The following CCDC82 variants were observed in gnomAD, a reference collection of about 807,000 sequenced individuals.
CCDC82 encodes the protein coiled-coil domain-containing protein 82.
CCDC82 carries 47 observed loss-of-function variants against 60.6 expected under a neutral mutation model. That is an observed-to-expected ratio of 0.77 (90% CI 0.61 to 0.99). The LOEUF (loss-of-function observed/expected upper bound fraction) is 0.99. CCDC82 is among the 50% of genes least tolerant of loss of function. The pLI, the probability that CCDC82 is intolerant of heterozygous loss-of-function variation, is 0.00. For missense variants in CCDC82, 588 were observed against 633.0 expected (o/e 0.93, Z 0.76); for synonymous variants, 212 against 207.4 (o/e 1.02, Z -0.19).
intron 7 of CCDC82, among the ~76,000 whole-genome samples, chr11:96,368,202 G>A (rs1865052633): frequency 6.6e-6 from 1 of 152,112 alleles, no homozygotes; most frequent in African/African-American, 2.4e-5. Flanking sequence ...GTGCTGGGAG[G>A]TATTAAAATG....
rs772648562 is a variant in CCDC82 at position 96,383,978 on chromosome 11, C to T, written c.770G>A (p.Ser257Asn). The T allele has an allele frequency of 3.7e-6, 6 of 1,611,926 alleles. No homozygotes were observed. In the South Asian group the frequency reaches 6.6e-5, roughly 18 times the overall value. The change falls in exon 4 of 10, where the codon AGT (serine) becomes AAT (asparagine). Residue 257 changes from serine (S) to asparagine (N), a missense_variant. Transcript: ENST00000646818. ...ATAACACACCTCAAAATCTCTACCA[C>T]TACTGCGTCTCTGACGAGATCTTTG... Reference protein sequence around the residue: ...SKQRSRQRRSSGRDFEDSEKE... With the variant: ...SKQRSRQRRSNGRDFEDSEKE...
chr11:96,383,559 G>A, intron 4 of CCDC82, 86 bp from the exon 5 acceptor site: 1 of 818,064 alleles, frequency 1.2e-6, no homozygotes, highest in South Asian at 2.1e-5. Flanking sequence ...AAATCTGACA[G>A]CAAAAAAATG....
At chr11:96,362,294 A>T (rs1487816292) in intron 8 of CCDC82, among the ~76,000 whole-genome samples, 1 of 152,218 alleles carries the variant, frequency 6.6e-6, no homozygotes, top group Non-Finnish European at 1.5e-5. Context: ...TATGGAAGTT[A>T]AAGTATGAAG....
chr11:96,366,111 C>T (rs1461867401), intron 7 of CCDC82, among the ~76,000 whole-genome samples: 2 of 152,194 alleles, frequency 1.3e-5, no homozygotes, highest in African/African-American at 2.4e-5. Flanking sequence ...TCCTTTCCTG[C>T]TTCTGCTATA....
chr11:96,361,561 A>G (rs1864663170), intron 8 of CCDC82, among the ~76,000 whole-genome samples: 1 of 152,188 alleles, frequency 6.6e-6, no homozygotes, highest in Admixed American at 6.5e-5. Flanking sequence ...ACTGCTGTAA[A>G]ATTTCACAGA....
At chr11:96,367,984 C>T (rs1865040999) in intron 7 of CCDC82, among the ~76,000 whole-genome samples, 1 of 151,854 alleles carries the variant, frequency 6.6e-6, no homozygotes, top group South Asian at 2.1e-4. Context: ...TAATGCCTGG[C>T]TAATTTTTGT....
intron 7 of CCDC82, among the ~76,000 whole-genome samples, chr11:96,370,256 T>A (rs769769173): frequency 2.0e-5 from 3 of 152,132 alleles, no homozygotes; most frequent in Non-Finnish European, 4.4e-5. Flanking sequence ...ACTTCAATTA[T>A]CTTTTTATTT....
chr11:96,358,058 A>G, intron 9 of CCDC82: 1 of 985,358 alleles, frequency 1.0e-6, no homozygotes, highest in Non-Finnish European at 1.2e-6. Context: ...ATGTGCTAAA[A>G]AAGTTTCTGT....
chr11:96,354,986 A>C (rs1565295998), intron 9 of CCDC82: 1 of 152,156 alleles, frequency 6.6e-6, no homozygotes, highest in East Asian at 1.9e-4. Context: ...TTATAACCGT[A>C]TGATATCTGA....
intron 4 of CCDC82, 83 bp downstream of exon 4, chr11:96,383,879 G>A (rs753686513): frequency 1.7e-5 from 20 of 1,210,022 alleles, no homozygotes; most frequent in African/African-American, 1.2e-4. Flanking sequence ...GAAATGGAAC[G>A]GACTCAGCAC....
chr11:96,359,520 C>A (rs1864521350), intron 8 of CCDC82, among the ~76,000 whole-genome samples: 1 of 151,634 alleles, frequency 6.6e-6, no homozygotes, highest in African/African-American at 2.4e-5. Flanking sequence ...TAGCCCAATC[C>A]AGATAGAACA....
At chr11:96,363,806 A>G (rs141120621) in intron 8 of CCDC82, 41 of 152,312 alleles carry the variant, frequency 2.7e-4, no homozygotes, top group African/African-American at 9.4e-4. Context: ...TGCCACTTTA[A>G]GAATTACCAA....
intron 6 of CCDC82, 58 bp from the exon 7 acceptor site, chr11:96,371,195 A>AAT: frequency 8.5e-7 from 1 of 1,179,986 alleles, no homozygotes; most frequent in Non-Finnish European, 1.1e-6. Flanking sequence ...TATTTAAACT[A>AAT]TTTAATACTT....
intron 9 of CCDC82, chr11:96,357,406 T>C: frequency 2.0e-6 from 2 of 984,902 alleles, no homozygotes; most frequent in Non-Finnish European, 2.4e-6. Flanking sequence ...ATTCTTTATG[T>C]ATAACATGAC....
chr11:96,386,063 C>T (rs898074984), intron 3 of CCDC82, 191 bp downstream of exon 3: 5 of 152,124 alleles, frequency 3.3e-5, no homozygotes, highest in African/African-American at 1.2e-4. Context: ...TTATCCCAAA[C>T]AGTGACTTTA....
Position 96,359,099 on chromosome 11 carries a change from T to C in CCDC82, c.1460A>G (p.Gln487Arg). The change falls in exon 9 of 10, where the codon CAG (glutamine) becomes CGG (arginine). Residue 487 changes from glutamine to arginine, a missense_variant. Physicochemically the swap from Gln to Arg is conservative, Grantham distance 43 (BLOSUM62 1). Transcript: ENST00000646818. ...TGTCATTGCAATGGTGCAACATTCC[T>C]GGTATAGTTTGAATTTAAAATGTTT... is the stretch of plus-strand genomic sequence containing the variant. ...KLKHFKFKLYQECCTIAMTEE... is the reference protein window; with the variant it reads ...KLKHFKFKLYRECCTIAMTEE... The C allele has an allele frequency of 6.2e-7, 1 of 1,605,240 alleles. No individual in the cohort carries two copies.
intron 7 of CCDC82, among the ~76,000 whole-genome samples, chr11:96,368,104 G>A (rs1489106491): frequency 6.6e-6 from 1 of 152,136 alleles, no homozygotes; most frequent in Non-Finnish European, 1.5e-5. Flanking sequence ...ACAGGCCTGA[G>A]CCACCACACC....
chr11:96,379,033 C>T (rs1403751845), intron 5 of CCDC82, among the ~76,000 whole-genome samples: 1 of 151,960 alleles, frequency 6.6e-6, no homozygotes, highest in Admixed American at 6.6e-5. Context: ...AACTGAAATA[C>T]TGAATTTAGA....
At chr11:96,378,564 C>T (rs1865710200) in intron 5 of CCDC82, among the ~76,000 whole-genome samples, 1 of 151,902 alleles carries the variant, frequency 6.6e-6, no homozygotes, top group Non-Finnish European at 1.5e-5. Flanking sequence ...AGTGGATGTT[C>T]ACTTAGTCTA....
Sources: allele counts gnomAD v4.1 joint callset (sites outside exome capture counted in the v4.1 genomes callset), GRCh38; gene constraint gnomAD v4.1.1; transcripts MANE v1.5; gene names NCBI Gene and HGNC (gene_info 2026-07-23, HGNC 2026-07-21).